TENM3: variants seen among roughly 807,000 people sequenced by gnomAD.
The protein encoded by TENM3 is teneurin-3.
In TENM3, 63 loss-of-function variants were observed where a neutral mutation model predicts 255.1. The observed-to-expected ratio is 0.25, with a 90% confidence interval of 0.20 to 0.30. The LOEUF (loss-of-function observed/expected upper bound fraction) is 0.30, where lower values mean the gene tolerates loss of function less well. TENM3 is among the 10% of genes least tolerant of loss of function. TENM3 has a pLI of 1.00. For missense variants in TENM3, 2,929 were observed against 3,461.1 expected (o/e 0.85, Z 3.86); for synonymous variants, 1,306 against 1,322.3 (o/e 0.99, Z 0.27).
intron 1 of TENM3, among the ~76,000 whole-genome samples, chr4:182,314,300 C>G (rs1440100820): frequency 1.5e-5 from 2 of 137,062 alleles, no homozygotes; most frequent in African/African-American, 5.3e-5. Context: ...GACTCCGTCT[C>G]AAAAAAAAAA....
the TENM3 span, among the ~76,000 whole-genome samples, chr4:181,707,432 A>G: frequency 6.6e-6 from 1 of 152,242 alleles, no homozygotes; most frequent in Non-Finnish European, 1.5e-5. Context: ...TCACACACAG[A>G]ATAAATGAAA....
At chr4:182,219,382 A>C (rs1169613276) in intron 1 of TENM3, among the ~76,000 whole-genome samples, 1 of 152,244 alleles carries the variant, frequency 6.6e-6, no homozygotes, top group Non-Finnish European at 1.5e-5. Context: ...GAAAGCTTCC[A>C]TTCTAATGAT....
At chr4:182,724,066 A>G (rs946566793) in intron 13 of TENM3, among the ~76,000 whole-genome samples, 6 of 152,250 alleles carry the variant, frequency 3.9e-5, no homozygotes, top group African/African-American at 1.4e-4. Flanking sequence ...ACTTTACATC[A>G]GAGTACCACG....
intron 5 of TENM3, among the ~76,000 whole-genome samples, chr4:182,642,037 A>C (rs112536034): frequency 3.9e-5 from 6 of 152,326 alleles, no homozygotes; most frequent in African/African-American, 1.4e-4. Context: ...AAATCATGTA[A>C]ATGATTTCAT....
chr4:182,450,351 G>T, intron 3 of TENM3, among the ~76,000 whole-genome samples: 1 of 151,966 alleles, frequency 6.6e-6, no homozygotes, highest in East Asian at 1.9e-4. Context: ...CCTCTCAGCC[G>T]AATATTTTAG....
chr4:181,772,297 G>T, the TENM3 span, among the ~76,000 whole-genome samples: 1 of 152,014 alleles, frequency 6.6e-6, no homozygotes, highest in East Asian at 1.9e-4. Flanking sequence ...AGAATTGCTT[G>T]AACCCGGGAG....
At chr4:181,878,532 ATTCT>A in the TENM3 span, among the ~76,000 whole-genome samples, 1 of 152,082 alleles carries the variant, frequency 6.6e-6, no homozygotes, top group Non-Finnish European at 1.5e-5. Flanking sequence ...TTGGTAGTTG[ATTCT>A]TTATTTCCAC....
chr4:181,473,316 C>T, the TENM3 span, among the ~76,000 whole-genome samples: 2 of 152,210 alleles, frequency 1.3e-5, no homozygotes, highest in Admixed American at 6.5e-5. Context: ...GGACTGAGTG[C>T]GGTGGCTCAT....
At chr4:182,348,469 G>A (rs960276092) in intron 3 of TENM3, among the ~76,000 whole-genome samples, 1 of 152,070 alleles carries the variant, frequency 6.6e-6, no homozygotes, top group Admixed American at 6.5e-5. Context: ...TTCAAAGGTA[G>A]CACCCAGCAT....
the TENM3 span, among the ~76,000 whole-genome samples, chr4:181,598,307 C>A: frequency 6.6e-6 from 1 of 152,136 alleles, no homozygotes; most frequent in Non-Finnish European, 1.5e-5. Context: ...TCAGTTAAGG[C>A]TCTAGGGCTT....
At chr4:182,098,955 CTTTTTTTCT>C in the TENM3 span, among the ~76,000 whole-genome samples, 1 of 133,842 alleles carries the variant, frequency 7.5e-6, no homozygotes, top group South Asian at 2.4e-4. Flanking sequence ...GTGCACAACT[CTTTTTTTCT>C]TTTTTTTTTT....
chr4:182,184,795 CCT>C (rs1382992652), intron 1 of TENM3, among the ~76,000 whole-genome samples: 1 of 151,948 alleles, frequency 6.6e-6, no homozygotes, highest in Admixed American at 6.6e-5. Context: ...ATGTGAAAAA[CCT>C]CTATTTTGGC....
At chr4:182,668,508 G>C (rs147291076) in intron 6 of TENM3, among the ~76,000 whole-genome samples, 4 of 151,840 alleles carry the variant, frequency 2.6e-5, no homozygotes, top group Non-Finnish European at 5.9e-5. Flanking sequence ...GTATTTTTTC[G>C]TTACGGGAGG....
At chr4:182,712,435 A>AC (rs796781588) in intron 12 of TENM3, among the ~76,000 whole-genome samples, 3,871 of 148,098 alleles carry the variant, frequency 0.026, 123 homozygotes, top group African/African-American at 0.077. Flanking sequence ...TTCATTAAAA[A>AC]AAAAAAAAAA....
chr4:182,075,997 G>C, the TENM3 span, among the ~76,000 whole-genome samples: 2 of 152,042 alleles, frequency 1.3e-5, no homozygotes, highest in African/African-American at 4.8e-5. Context: ...CACTGTAGCT[G>C]TGAACTCCTG....
Position 182,678,595 on chromosome 4 carries a change from C to T in TENM3, c.1327-1071C>T, listed in dbSNP as rs1284506842. 4.6e-5 allele frequency among the ~76,000 whole-genome samples: 7 copies of T among 152,296 alleles called. No homozygotes were observed. The East Asian group carries it at 1.2e-3, about 25-fold the overall frequency. On this transcript the variant is annotated intron_variant, in intron 7 of 27. Coordinates refer to ENST00000511685, the MANE Select transcript of TENM3 (RefSeq NM_001080477.4). Reference sequence around the variant, plus strand: ...GCAAAGTGCTCTTGAGTTCACAAGCCAACCCCACCATTACCAGATGTCTGA... The same window carrying T: ...GCAAAGTGCTCTTGAGTTCACAAGCTAACCCCACCATTACCAGATGTCTGA...
the TENM3 span, among the ~76,000 whole-genome samples, chr4:182,138,205 T>C: frequency 1.3e-5 from 2 of 152,180 alleles, no homozygotes; most frequent in Non-Finnish European, 2.9e-5. Context: ...CAATTTGCAT[T>C]TAAACAGTGC....
At chr4:181,474,589 G>A in the TENM3 span, among the ~76,000 whole-genome samples, 4 of 152,044 alleles carry the variant, frequency 2.6e-5, no homozygotes, top group African/African-American at 9.6e-5. Context: ...CAAAAAATTA[G>A]CAGGGTGTGG....
At chr4:182,440,836 G>A (rs1161569999) in intron 3 of TENM3, among the ~76,000 whole-genome samples, 1 of 148,090 alleles carries the variant, frequency 6.8e-6, no homozygotes, top group Non-Finnish European at 1.5e-5. Flanking sequence ...TTTTTTTTTC[G>A]ACTTTTATTT....
Sources: gnomAD v4.1 joint callset for allele counts (sites outside exome capture counted in the v4.1 genomes callset) on GRCh38, gnomAD v4.1.1 for gene constraint, MANE v1.5 for transcripts, NCBI Gene and HGNC (gene_info 2026-07-23, HGNC 2026-07-21) for gene names.